The following MACROD2 variants were observed in gnomAD, a reference collection of about 807,000 sequenced individuals.
The protein encoded by MACROD2 is ADP-ribose glycohydrolase MACROD2.
A neutral mutation model predicts 70.4 loss-of-function variants in MACROD2; 36 were observed. That is an observed-to-expected ratio of 0.51 (90% CI 0.39 to 0.68). The LOEUF (loss-of-function observed/expected upper bound fraction) is 0.68, where lower values mean the gene tolerates loss of function less well. Ranked by LOEUF, MACROD2 falls within the 30% of genes least tolerant of loss-of-function variation. The pLI is 0.00. For synonymous variants in MACROD2, 172 were observed against 178.8 expected (o/e 0.96, Z 0.30); for missense variants, 496 against 538.4 (o/e 0.92, Z 0.78).
intron 3 of MACROD2, among the ~76,000 whole-genome samples, chr20:14,262,823 C>T (rs2082111672): frequency 6.6e-6 from 1 of 152,086 alleles, no homozygotes; most frequent in Non-Finnish European, 1.5e-5. Flanking sequence ...TTATATTCAT[C>T]CAAGAGCAAT....
chr20:14,989,396 G>T (rs2074879831), intron 5 of MACROD2, among the ~76,000 whole-genome samples: 1 of 152,150 alleles, frequency 6.6e-6, no homozygotes, highest in Non-Finnish European at 1.5e-5. Context: ...TCCTGAGAAT[G>T]AATTCAAGGA....
intron 5 of MACROD2, among the ~76,000 whole-genome samples, chr20:15,188,815 C>T (rs1025582147): frequency 4.6e-5 from 7 of 152,096 alleles, no homozygotes; most frequent in African/African-American, 1.7e-4. Context: ...AATTGTCCCC[C>T]CTAAAATAGT....
intron 5 of MACROD2, among the ~76,000 whole-genome samples, chr20:14,899,368 G>T (rs1203633827): frequency 6.6e-6 from 1 of 152,132 alleles, no homozygotes; most frequent in Non-Finnish European, 1.5e-5. Context: ...AGTTCTGAAG[G>T]GTAGAGGCCT....
intron 8 of MACROD2, among the ~76,000 whole-genome samples, chr20:15,511,923 G>T (rs1338834487): frequency 1.3e-5 from 2 of 152,188 alleles, no homozygotes; most frequent in Non-Finnish European, 2.9e-5. Flanking sequence ...GAAGATAGTG[G>T]CCTATATTTT....
At chr20:15,713,547 G>C (rs564437447) in intron 8 of MACROD2, among the ~76,000 whole-genome samples, 125 of 152,092 alleles carry the variant, frequency 8.2e-4, no homozygotes, top group African/African-American at 2.8e-3. Flanking sequence ...GAGAGAGAGA[G>C]AGAGAGAGAA....
intron 10 of MACROD2, among the ~76,000 whole-genome samples, chr20:15,906,770 G>A (rs1036939133): frequency 6.6e-6 from 1 of 152,218 alleles, no homozygotes; most frequent in Non-Finnish European, 1.5e-5. Context: ...TTGGTCTGAT[G>A]TTTTCTCATG....
At chr20:15,409,098 C>T (rs759416735) in intron 6 of MACROD2, among the ~76,000 whole-genome samples, 2 of 152,054 alleles carry the variant, frequency 1.3e-5, no homozygotes, top group Non-Finnish European at 2.9e-5. Flanking sequence ...CCCATGCTAG[C>T]CAGTTCTGGT....
At chr20:15,702,442 T>G (rs533278371) in intron 8 of MACROD2, among the ~76,000 whole-genome samples, 1 of 152,336 alleles carries the variant, frequency 6.6e-6, no homozygotes, top group East Asian at 1.9e-4. Context: ...TTTTCATGTG[T>G]TTCTTGGCCA....
In MACROD2 at chr20:14,120,592, A is replaced by G. The variant is rs183261293; in HGVS notation, c.271+34864A>G. On this transcript the variant is annotated intron_variant, in intron 3 of 17. Coordinates refer to ENST00000684519, the MANE Select transcript of MACROD2 (RefSeq NM_001351661.2). ...GCATGTGTATGTTTATTGCAGCACTATTTACAATAGCAAAGACATGGAACC... is the reference window on the plus strand; with the variant it reads ...GCATGTGTATGTTTATTGCAGCACTGTTTACAATAGCAAAGACATGGAACC... Among the ~76,000 whole-genome samples the G allele has an allele frequency of 8.3e-3, 1,263 of 151,882 alleles. 6 individuals carry two copies. The highest frequency in any genetic ancestry group is 0.014 in the Non-Finnish European group (982 of 67,948).
At chr20:15,068,347 A>G (rs148023006) in intron 5 of MACROD2, among the ~76,000 whole-genome samples, 15 of 152,288 alleles carry the variant, frequency 9.8e-5, no homozygotes, top group Admixed American at 2.0e-4. Flanking sequence ...CAAAATACCA[A>G]TTGGTCATGA....
At chr20:14,235,387 G>A (rs2081859651) in intron 3 of MACROD2, among the ~76,000 whole-genome samples, 1 of 152,040 alleles carries the variant, frequency 6.6e-6, no homozygotes, top group Non-Finnish European at 1.5e-5. Flanking sequence ...ATAAAACAGA[G>A]GCACACAGTA....
At chr20:15,344,960 G>A (rs1235161945) in intron 6 of MACROD2, among the ~76,000 whole-genome samples, 1 of 152,186 alleles carries the variant, frequency 6.6e-6, no homozygotes, top group African/African-American at 2.4e-5. Flanking sequence ...CAGTTCCAGA[G>A]GCTGGAAGCC....
chr20:14,103,095 A>AT (rs1042567473), intron 3 of MACROD2, among the ~76,000 whole-genome samples: 26 of 149,682 alleles, frequency 1.7e-4, no homozygotes, highest in Non-Finnish European at 2.5e-4. Flanking sequence ...TCTGATCTAT[A>AT]TTTTTTTTTT....
chr20:14,142,481 T>C (rs1294226719), intron 3 of MACROD2, among the ~76,000 whole-genome samples: 1 of 152,222 alleles, frequency 6.6e-6, no homozygotes, highest in African/African-American at 2.4e-5. Context: ...CTCATTTGTG[T>C]CCTCGTGTAA....
At chr20:14,941,414 G>C (rs2074388619) in intron 5 of MACROD2, among the ~76,000 whole-genome samples, 2 of 152,018 alleles carry the variant, frequency 1.3e-5, no homozygotes, top group Admixed American at 1.3e-4. Context: ...TCTCCTGCTA[G>C]GGAACCCAAT....
chr20:14,929,260 C>G (rs546090661), intron 5 of MACROD2: 1 of 152,272 alleles, frequency 6.6e-6, no homozygotes, highest in South Asian at 2.1e-4. Context: ...GATCATAAGC[C>G]TGGGCTCCCT....
chr20:15,890,593 T>G (rs969138450), intron 10 of MACROD2, among the ~76,000 whole-genome samples: 1 of 152,176 alleles, frequency 6.6e-6, no homozygotes, highest in Non-Finnish European at 1.5e-5. Context: ...GAGTTGCTAA[T>G]GTAGTCATTG....
Position 15,374,468 on chromosome 20 carries a change from A to T in MACROD2, c.541-56937A>T, listed in dbSNP as rs923256980. Reference sequence around the variant, plus strand: ...CTACACCAAGCCCACTTTCGACCACAATAATGCTATTTATATCTTTACATG... The same window carrying T: ...CTACACCAAGCCCACTTTCGACCACTATAATGCTATTTATATCTTTACATG... On this transcript the variant is annotated intron_variant, in intron 6 of 17. Transcript: ENST00000684519. Among the ~76,000 whole-genome samples the T allele has an allele frequency of 2.6e-5, 4 of 152,116 alleles. No individual in the cohort carries two copies. In the South Asian group the frequency reaches 8.3e-4, roughly 31 times the overall value.
chr20:14,546,328 G>C (rs1218671170), intron 4 of MACROD2, among the ~76,000 whole-genome samples: 3 of 152,118 alleles, frequency 2.0e-5, no homozygotes, highest in Non-Finnish European at 1.5e-5. Flanking sequence ...TGGTTGACTG[G>C]TATGTGCTTT....
Sources: gnomAD v4.1 joint callset for allele counts (sites outside exome capture counted in the v4.1 genomes callset) on GRCh38, gnomAD v4.1.1 for gene constraint, MANE v1.5 for transcripts, NCBI Gene and HGNC (gene_info 2026-07-23, HGNC 2026-07-21) for gene names.